BAZ1B: variants seen among roughly 807,000 people sequenced by gnomAD.
BAZ1B encodes the protein bromodomain adjacent to zinc finger domain 1B, also known as tyrosine-protein kinase BAZ1B.
BAZ1B carries 22 observed loss-of-function variants against 153.8 expected under a neutral mutation model. The ratio of observed to expected loss-of-function variants is 0.14; its 90% CI spans 0.10 to 0.20. The LOEUF is 0.20. BAZ1B is among the 10% of genes least tolerant of loss of function. BAZ1B has a pLI of 1.00. For synonymous variants in BAZ1B, 676 were observed against 633.4 expected, an observed-to-expected ratio of 1.07 and a Z score of -1.01; for missense variants, 1,325 against 1,799.3, an observed-to-expected ratio of 0.74 and a Z score of 4.77.
intron 3 of BAZ1B, among the ~76,000 whole-genome samples, chr7:73,506,720 A>G (rs1158749542): frequency 1.6e-5 from 2 of 127,764 alleles, no homozygotes; most frequent in Non-Finnish European, 3.4e-5. Flanking sequence ...GCATGGTGGC[A>G]GGCGCCTGTA....
intron 13 of BAZ1B, among the ~76,000 whole-genome samples, chr7:73,451,296 A>G (rs1256954122): frequency 6.6e-6 from 1 of 152,204 alleles, no homozygotes; most frequent in Admixed American, 6.5e-5. Context: ...ATAATGCAAC[A>G]ATTTTAGACA....
chr7:73,442,887 G>A lies in BAZ1B; in HGVS notation c.3991-59C>T, dbSNP rs74803013. On this transcript the variant is annotated intron_variant, in intron 17 of 19. Transcript: ENST00000339594. ...TTCAAGACAGGAGGAAGAATGGACA[G>A]GGCAGAAAATAAGTGTATCTGCTCA... 2,038 of 1,317,454 alleles carry A rather than the reference G, an allele frequency of 1.5e-3. 30 individuals are homozygous for A. The African/African-American group carries it at 0.028, about 18-fold the overall frequency. The allele number at this position is 1,317,454 out of a possible 1,614,324, so 81.6% of individuals were successfully genotyped here.
At chr7:73,448,739 A>T (rs570526345) in intron 15 of BAZ1B, among the ~76,000 whole-genome samples, 2 of 152,364 alleles carry the variant, frequency 1.3e-5, no homozygotes, top group African/African-American at 4.8e-5. Flanking sequence ...ACGGTCTGTA[A>T]CAAGTACACA....
chr7:73,474,267 A>G (rs1283264158), intron 7 of BAZ1B, among the ~76,000 whole-genome samples: 3 of 152,314 alleles, frequency 2.0e-5, no homozygotes, highest in African/African-American at 7.2e-5. Context: ...TTTACCTTAC[A>G]CTATAAAAAT....
intron 1 of BAZ1B, among the ~76,000 whole-genome samples, chr7:73,512,470 C>T (rs1790627607): frequency 6.6e-6 from 1 of 152,054 alleles, no homozygotes; most frequent in Non-Finnish European, 1.5e-5. Flanking sequence ...TAATATTTAT[C>T]CAGTCTCTAT....
At chr7:73,507,040 G>A (rs933539888) in intron 3 of BAZ1B, among the ~76,000 whole-genome samples, 7 of 150,096 alleles carry the variant, frequency 4.7e-5, no homozygotes, top group East Asian at 2.1e-4. Flanking sequence ...CACCACGGCC[G>A]GCTAATTTTT....
At chr7:73,510,414 G>A (rs567257812) in intron 2 of BAZ1B, among the ~76,000 whole-genome samples, 1 of 152,180 alleles carries the variant, frequency 6.6e-6, no homozygotes, top group South Asian at 2.1e-4. Flanking sequence ...GGGCGAGAGC[G>A]AGATTCCGTC....
intron 9 of BAZ1B, among the ~76,000 whole-genome samples, chr7:73,467,780 G>A (rs1006041255): frequency 1.3e-5 from 2 of 152,070 alleles, no homozygotes; most frequent in African/African-American, 2.4e-5. Flanking sequence ...ATCTTGTCTC[G>A]GGGACACATT....
At chr7:73,467,008 T>C (rs782735395) in intron 9 of BAZ1B, among the ~76,000 whole-genome samples, 1 of 152,208 alleles carries the variant, frequency 6.6e-6, no homozygotes, top group Admixed American at 6.5e-5. Flanking sequence ...CTCAGCTCAC[T>C]GAAACCTCTG....
chr7:73,508,190 CGTAAAGTATTAAT>C, intron 3 of BAZ1B, 124 bp downstream of exon 3: 4 of 900,030 alleles, frequency 4.4e-6, no homozygotes, highest in Non-Finnish European at 6.1e-6. Context: ...CAAGTATTAA[CGTAAAGTATTAAT>C]ACTTAACATT....
At chr7:73,451,319 C>A (rs1329619247) in intron 13 of BAZ1B, among the ~76,000 whole-genome samples, 4 of 152,142 alleles carry the variant, frequency 2.6e-5, no homozygotes, top group African/African-American at 7.2e-5. Flanking sequence ...TAATAAAACT[C>A]CGATTTAAAA....
rs369786974 is a variant in BAZ1B, at chr7:73,449,549, G to A, written c.3721C>T (p.Arg1241Cys). 1.6e-5 allele frequency: 25 copies of A among 1,609,322 alleles called. 1 individual carries two copies. The African/African-American group carries it at 1.9e-4, about 12-fold the overall frequency. The change falls in exon 15 of 20, where the codon CGT (arginine) becomes TGT (cysteine). Residue 1241 changes from arginine to cysteine, a missense_variant. Around this residue, in one of 9 missense-constraint regions of BAZ1B, gnomAD observed 271 missense variants for 337.2 expected, o/e 0.80. Coordinates refer to ENST00000339594, the MANE Select transcript of BAZ1B (RefSeq NM_032408.4). ...AAAAGAAAAGATTCTCACCTGCCAC[G>A]GGAGTTGCGCCTGGCAGTAGCGGGC... ...CQPATARRNS[R>C]GRNYTEESAS...
chr7:73,491,178 T>C (rs1423366497), intron 5 of BAZ1B, among the ~76,000 whole-genome samples: 1 of 151,784 alleles, frequency 6.6e-6, no homozygotes, highest in African/African-American at 2.4e-5. Context: ...CCCAGCTACT[T>C]GTGAGGCTGA....
intron 3 of BAZ1B, among the ~76,000 whole-genome samples, chr7:73,506,035 T>C (rs782067393): frequency 1.4e-4 from 22 of 152,226 alleles, no homozygotes; most frequent in Non-Finnish European, 2.6e-4. Context: ...CAAGACATTA[T>C]GTAAAGCAAT....
At chr7:73,503,906 T>C (rs1790233020) in intron 3 of BAZ1B, among the ~76,000 whole-genome samples, 1 of 152,140 alleles carries the variant, frequency 6.6e-6, no homozygotes. Flanking sequence ...GGGGTGTTTA[T>C]TTCCAAATGC....
intron 13 of BAZ1B, among the ~76,000 whole-genome samples, chr7:73,459,072 C>A (rs1554569953): frequency 6.6e-6 from 1 of 151,900 alleles, no homozygotes; most frequent in Non-Finnish European, 1.5e-5. Flanking sequence ...CATGGTGAAA[C>A]CCCGTCTCTA....
chr7:73,511,431 C>T (rs2115570045), intron 1 of BAZ1B, among the ~76,000 whole-genome samples: 1 of 151,634 alleles, frequency 6.6e-6, no homozygotes, highest in South Asian at 2.1e-4. Flanking sequence ...TGAGAGGCCA[C>T]GGCAGGACAA....
At chr7:73,510,317 T>C (rs748992505) in intron 2 of BAZ1B, among the ~76,000 whole-genome samples, 5 of 151,770 alleles carry the variant, frequency 3.3e-5, no homozygotes, top group Non-Finnish European at 7.4e-5. Context: ...TAGTCCCAGC[T>C]ACTTGGGAGG....
At position 73,477,060 on chromosome 7, in the gene BAZ1B, T is replaced by C. The variant is rs541047381; in HGVS notation, c.2401A>G (p.Met801Val). Residue 801 changes from methionine to valine, a missense_variant, in exon 7 of 20, where the codon ATG becomes GTG. By Grantham distance (21) the Met-to-Val change is conservative. This residue lies in a region of BAZ1B where 431 missense variants were observed against 563.5 expected (regional missense o/e 0.76). Coordinates refer to ENST00000339594, the MANE Select transcript of BAZ1B (RefSeq NM_032408.4). This position sits in a 1 kb window ranked among gnomAD's most constrained non-coding sequence, Gnocchi z 5.6. Reference protein sequence around the residue: ...KRAEKQKRKEMEAKNKENGKV... With the variant: ...KRAEKQKRKEVEAKNKENGKV... Reference sequence around the variant, plus strand: ...CCATTTTCTTTATTTTTGGCTTCCATTTCTTTCCGTTTCTGTTTCTCTGCT... The same window carrying C: ...CCATTTTCTTTATTTTTGGCTTCCACTTCTTTCCGTTTCTGTTTCTCTGCT... 109 of 1,614,068 alleles carry C rather than the reference T, an allele frequency of 6.8e-5. No individual in the cohort carries two copies. The highest frequency in any genetic ancestry group is 9.0e-5 in the Non-Finnish European group (106 of 1,180,030).
Sources: gnomAD v4.1 joint callset for allele counts (sites outside exome capture counted in the v4.1 genomes callset) on GRCh38, gnomAD v4.1.1 for gene constraint, gnomAD v4.1.1 regional missense constraint, Gnocchi (gnomAD v3.1) non-coding constraint, MANE v1.5 for transcripts, NCBI Gene and HGNC (gene_info 2026-07-23, HGNC 2026-07-21) for gene names.